The following ZNF500 variants were observed in gnomAD, a reference collection of about 807,000 sequenced individuals.
The protein encoded by ZNF500 is zinc finger protein with KRAB and SCAN domains 18.
Under a neutral mutation model 30.1 loss-of-function variants are expected in ZNF500, and 31 were observed. The ratio of observed to expected loss-of-function variants is 1.03; its 90% CI spans 0.77 to 1.39. The LOEUF (loss-of-function observed/expected upper bound fraction) is 1.39. Among genes scored for constraint, ZNF500 ranks in the 40% most tolerant of loss-of-function variants. The pLI is 0.00. For missense variants in ZNF500, 817 were observed against 657.8 expected, an observed-to-expected ratio of 1.24 and a Z score of -2.65; for synonymous variants, 392 against 282.0, an observed-to-expected ratio of 1.39 and a Z score of -3.91.
chr16:4,753,439 G>C (rs1307720869), intron 5 of ZNF500, among the ~76,000 whole-genome samples: 1 of 152,194 alleles, frequency 6.6e-6, no homozygotes, highest in Non-Finnish European at 1.5e-5. Context: ...TCCAGCCCGG[G>C]TGACGGCATG....
intron 2 of ZNF500, 107 bp from the exon 3 acceptor site, chr16:4,762,863 C>A (rs1320871571): frequency 1.4e-6 from 2 of 1,445,770 alleles, no homozygotes; most frequent in Non-Finnish European, 1.8e-6. Flanking sequence ...GCTGCCCACC[C>A]CCGGGCTGTC....
At chr16:4,763,077 T>C in intron 2 of ZNF500, 4 of 985,406 alleles carry the variant, frequency 4.1e-6, no homozygotes, top group Non-Finnish European at 4.8e-6. Context: ...ATTTCAGAAG[T>C]TCACAGAACT....
downstream of ZNF500, among the ~76,000 whole-genome samples, chr16:4,748,054 G>C (rs967599270): frequency 6.6e-6 from 1 of 152,058 alleles, no homozygotes; most frequent in Non-Finnish European, 1.5e-5. Context: ...GGTTGAAAGA[G>C]ACCTAAGCCT....
At chr16:4,747,401 G>A, downstream of ZNF500, 4 of 1,612,530 alleles carry the variant, frequency 2.5e-6, no homozygotes, top group Non-Finnish European at 3.4e-6. Context: ...GAAGGGGACA[G>A]CCCAGCCCGA....
chr16:4,746,207 G>T, downstream of ZNF500: 2 of 662,662 alleles, frequency 3.0e-6, no homozygotes, highest in South Asian at 2.4e-5. Flanking sequence ...CCTAAATCTC[G>T]CATGCTGTTC....
chr16:4,748,395 T>A lies in ZNF500; in HGVS notation c.*3981A>T, dbSNP rs1271660948. On this transcript the variant is annotated 3_prime_UTR_variant, in exon 6 of 6. Coordinates refer to ENST00000219478, the MANE Select transcript of ZNF500 (RefSeq NM_021646.4). ...AGAGGAGTAACGAGAATTTGCTTTCTCTTTCTCTTCTTTACCTAAGATAGA... is the reference window on the plus strand; with the variant it reads ...AGAGGAGTAACGAGAATTTGCTTTCACTTTCTCTTCTTTACCTAAGATAGA... The A allele has an allele frequency of 6.6e-6, 1 of 152,110 alleles. No homozygotes were observed. Among genetic ancestry groups the A allele is most frequent in the Non-Finnish European group, 1.5e-5 (1 of 68,036 alleles). 9.4% of individuals were successfully genotyped at this position (152,110 alleles called of 1,614,324 possible).
intron 5 of ZNF500, among the ~76,000 whole-genome samples, chr16:4,759,455 C>T (rs1339655066): frequency 6.6e-6 from 1 of 152,132 alleles, no homozygotes; most frequent in Non-Finnish European, 1.5e-5. Flanking sequence ...CCCACGTTCA[C>T]TGCAGCATTA....
At chr16:4,746,866 A>C, downstream of ZNF500, 2 of 1,437,204 alleles carry the variant, frequency 1.4e-6, no homozygotes, top group Non-Finnish European at 1.9e-6. Context: ...TTCAAGCCCC[A>C]ACAAGAGTTG....
In ZNF500 at chr16:4,751,849, A is replaced by G; in HGVS notation, c.*527T>C. 1 of 452,712 alleles carries G rather than the reference A, an allele frequency of 2.2e-6. No homozygotes were observed. Among genetic ancestry groups the G allele is most frequent in the Non-Finnish European group, 3.9e-6 (1 of 253,728 alleles). 28.0% of individuals were successfully genotyped at this position (452,712 alleles called of 1,614,324 possible). A position where few individuals can be genotyped will look rare whatever the true frequency, so the allele number is the denominator to read the frequency against. ...CTTGAGCCCAGGGATTCGAGGCTGC[A>G]GTGAGCTATGATCATGGCACTGTAT... On this transcript the variant is annotated 3_prime_UTR_variant, in exon 6 of 6. Coordinates refer to ENST00000219478, the MANE Select transcript of ZNF500 (RefSeq NM_021646.4).
intron 1 of ZNF500, among the ~76,000 whole-genome samples, chr16:4,766,285 A>C (rs993500204): frequency 1.3e-5 from 2 of 152,092 alleles, no homozygotes; most frequent in Non-Finnish European, 2.9e-5. Flanking sequence ...CTCACTGGGC[A>C]AACAGAGATG....
rs776598844 is a variant in ZNF500 at position 4,765,787 on chromosome 16, G to C, written c.192C>G (p.Pro64=). 1 of 1,612,988 alleles carries C rather than the reference G, an allele frequency of 6.2e-7. No homozygotes were observed. Among genetic ancestry groups the C allele is most frequent in the East Asian group, 2.2e-5 (1 of 44,894 alleles). Residue 64 remains proline, a synonymous_variant, in exon 2 of 6, where the codon CCC becomes CCG. Coordinates refer to ENST00000219478, the MANE Select transcript of ZNF500 (RefSeq NM_021646.4). ...RLFCYQEVAG[P]REALSRLWEL... ...CCCAGAGGCGGCTCAGGGCCTCCCG[G>C]GGCCCAGCCACCTCCTGGTAGCAGA... is the stretch of plus-strand genomic sequence containing the variant.
Position 4,752,020 on chromosome 16 carries a change from C to A in ZNF500, c.*356G>T. The A allele has an allele frequency of 8.3e-7, 1 of 1,201,686 alleles. No individual in the cohort carries two copies. The highest frequency in any genetic ancestry group is 2.4e-5 in the South Asian group (1 of 41,608). The allele number at this position is 1,201,686 out of a possible 1,614,324, so 74.4% of individuals were successfully genotyped here. Reference sequence around the variant, plus strand: ...GGGGATGAGGCTGTATGCCAGCAGCCACTGGATGCTGGAGGCAGCTGATGG... The same window carrying A: ...GGGGATGAGGCTGTATGCCAGCAGCAACTGGATGCTGGAGGCAGCTGATGG... On this transcript the variant is annotated 3_prime_UTR_variant, in exon 6 of 6. Transcript: ENST00000219478.
downstream of ZNF500, chr16:4,744,777 T>C: frequency 2.8e-6 from 4 of 1,446,922 alleles, no homozygotes; most frequent in South Asian, 1.3e-5. Context: ...TCCATTCACA[T>C]GTGGAGACCC....
chr16:4,763,838 C>T lies in ZNF500; in HGVS notation c.415-1082G>A, dbSNP rs73513207. The T allele has an allele frequency of 4.9e-3, 4,798 of 985,422 alleles. 187 individuals are homozygous for T. The African/African-American group carries it at 0.078, about 16-fold the overall frequency. The allele number at this position is 985,422 out of a possible 1,614,324, so 61.0% of individuals were successfully genotyped here. On this transcript the variant is annotated intron_variant, in intron 2 of 5. Coordinates refer to ENST00000219478, the MANE Select transcript of ZNF500 (RefSeq NM_021646.4). ...TTTTCTGACTGCGGTCAGCTCACGC[C>T]GTGGTCAAGCATTAGGGGATGTGCC...
intron 4 of ZNF500, among the ~76,000 whole-genome samples, chr16:4,761,036 C>G (rs541583750): frequency 2.0e-5 from 3 of 152,284 alleles, no homozygotes; most frequent in Admixed American, 1.3e-4. Flanking sequence ...CTTTCCAGAA[C>G]AGGCAAATTC....
downstream of ZNF500, chr16:4,746,522 G>T (rs200350382): frequency 2.5e-5 from 40 of 1,611,388 alleles, no homozygotes; most frequent in Non-Finnish European, 3.3e-5. Flanking sequence ...GGTCCGGAGG[G>T]CAGTGACTAC....
chr16:4,747,546 G>A (rs746316584), downstream of ZNF500: 4 of 1,612,562 alleles, frequency 2.5e-6, no homozygotes, highest in African/African-American at 5.3e-5. Flanking sequence ...CTCCCAAGAG[G>A]CAGGCCCAGA....
rs143479964 is a variant in ZNF500 at position 4,752,584 on chromosome 16, G to A, written c.1235C>T (p.Thr412Ile). 6,255 of 1,587,022 alleles carry A rather than the reference G, an allele frequency of 3.9e-3. 27 individuals are homozygous for A. Among genetic ancestry groups the A allele is most frequent in the Non-Finnish European group, 5.0e-3 (5,859 of 1,167,748 alleles). The stretch of plus-strand genomic sequence containing the variant: ...GTTGTTGAAGCGCTTCCCGCACTGG[G>A]TGCAGGCATAGGGCCGCTCCCCGCT... ...THSGERPYAC[T>I]QCGKRFNNSS... The change falls in exon 6 of 6, where the codon ACC (threonine) becomes ATC (isoleucine). Residue 412 changes from threonine (T) to isoleucine (I), a missense_variant. Transcript: ENST00000219478.
intron 2 of ZNF500, chr16:4,763,649 C>A (rs1034160738): frequency 1.4e-4 from 135 of 985,292 alleles, no homozygotes; most frequent in Admixed American, 3.7e-4. Context: ...CACAGCCTGC[C>A]CCTCTCAGCT....
Sources: allele counts gnomAD v4.1 joint callset (sites outside exome capture counted in the v4.1 genomes callset), GRCh38; gene constraint gnomAD v4.1.1; transcripts MANE v1.5; gene names NCBI Gene and HGNC (gene_info 2026-07-23, HGNC 2026-07-21).